UBXN8: variants seen among roughly 807,000 people sequenced by gnomAD.
The protein encoded by UBXN8 is UBX domain-containing protein 8.
In UBXN8, 27 loss-of-function variants were observed where a neutral mutation model predicts 32.1. The observed-to-expected ratio is 0.84, with a 90% CI of 0.62 to 1.16. The LOEUF is 1.16. UBXN8 is among the 50% of genes most tolerant of loss of function. The pLI is 0.00. For synonymous variants in UBXN8, 109 were observed against 111.8 expected (o/e 0.98, Z 0.16); for missense variants, 306 against 311.4 (o/e 0.98, Z 0.13).
At position 30,766,231 on chromosome 8, in the gene UBXN8, T is replaced by A; in HGVS notation, c.650T>A (p.Leu217Ter). Residue 217 changes from leucine (L) to a stop codon, truncating the protein, a stop_gained, in exon 8 of 8, where the codon TTA becomes TAA. Coordinates refer to ENST00000265616, the MANE Select transcript of UBXN8 (RefSeq NM_005671.4). LOFTEE classifies it high-confidence loss of function. ...RFLKSYSSQV[L>*]FDWMTRIGYH... The stretch of plus-strand genomic sequence containing the variant: ...GCCAAGCTTTTCATCTTCTAGGTCT[T>A]ATTTGACTGGATGACGAGAATTGGG... The A allele has an allele frequency of 6.2e-7, 1 of 1,611,222 alleles. No homozygotes were observed. The highest frequency in any genetic ancestry group is 8.5e-7 in the Non-Finnish European group (1 of 1,178,168).
intron 3 of UBXN8, among the ~76,000 whole-genome samples, chr8:30,753,648 A>G (rs2128754611): frequency 6.6e-6 from 1 of 151,064 alleles, no homozygotes; most frequent in East Asian, 1.9e-4. Flanking sequence ...AAAACCGTAT[A>G]CTCTTTAAAC....
chr8:30,736,364 T>C (rs1426747181), intron 1 of UBXN8, among the ~76,000 whole-genome samples: 1 of 150,690 alleles, frequency 6.6e-6, no homozygotes, highest in African/African-American at 2.5e-5. Flanking sequence ...TTCAGTAACA[T>C]ATCTTGAAAG....
intron 3 of UBXN8, chr8:30,754,217 G>A (rs1586099422): frequency 3.5e-6 from 1 of 284,276 alleles, no homozygotes. Context: ...TCCATCCTGG[G>A]TGACAGAGTG....
intron 5 of UBXN8, among the ~76,000 whole-genome samples, chr8:30,758,971 G>A (rs1026466298): frequency 5.1e-5 from 7 of 137,894 alleles, no homozygotes; most frequent in African/African-American, 1.9e-4. Flanking sequence ...TCGGCTCACT[G>A]CAAGCTCCTC....
At chr8:30,730,879 T>C (rs892475093), upstream of UBXN8, among the ~76,000 whole-genome samples, 1 of 152,156 alleles carries the variant, frequency 6.6e-6, no homozygotes, top group Non-Finnish European at 1.5e-5. Flanking sequence ...ATCACAATTA[T>C]TAGAAATAGC....
intron 1 of UBXN8, among the ~76,000 whole-genome samples, chr8:30,737,204 G>T (rs1805084803): frequency 7.1e-6 from 1 of 140,600 alleles, no homozygotes; most frequent in Non-Finnish European, 1.5e-5. Flanking sequence ...TCTGTTGATT[G>T]ATTTTTTTTT....
Position 30,754,734 on chromosome 8 carries a change from T to G in UBXN8, c.352T>G (p.Phe118Val). 6.4e-7 allele frequency: 1 copy of G among 1,563,478 alleles called. No individual in the cohort carries two copies. The highest frequency in any genetic ancestry group is 8.6e-7 in the Non-Finnish European group (1 of 1,164,922). The change falls in exon 4 of 8, where the codon TTT (phenylalanine) becomes GTT (valine). Residue 118 changes from phenylalanine (F) to valine (V), a missense_variant. By Grantham distance (50) the Phe-to-Val change is conservative (BLOSUM62 -1). Transcript: ENST00000265616. ...GAAATTGAGAAAACTGGAGGAGCGC[T>G]TTTATCAAATGACGGGTGAAGCCTG... is the stretch of plus-strand genomic sequence containing the variant. ...EMKLRKLEER[F>V]YQMTGEAWKL...
At chr8:30,759,982 T>TAAA (rs1356912943) in intron 5 of UBXN8, among the ~76,000 whole-genome samples, 2 of 114,078 alleles carry the variant, frequency 1.8e-5, no homozygotes, top group African/African-American at 6.3e-5. Context: ...TAAAATAAAA[T>TAAA]AAAATAAAAT....
In UBXN8 at chr8:30,759,968, T is replaced by TAAATAAAATAAAATAAAATA. The variant is rs149333500; in HGVS notation, c.529-894_529-875dup. Reference sequence around the variant, plus strand: ...TGAGACTCCGTCTCAGAAAAATAAATAAATAAAATAAAATAAAATAAAATA... The same window carrying TAAATAAAATAAAATAAAATA: ...TGAGACTCCGTCTCAGAAAAATAAATAAATAAAATAAAATAAAATAAAATAAAATAAAATAAAATAAAATA... On this transcript the variant is annotated intron_variant, in intron 5 of 7. Transcript: ENST00000265616. Among the ~76,000 whole-genome samples, 268 of 141,682 alleles carry TAAATAAAATAAAATAAAATA rather than the reference T, an allele frequency of 1.9e-3. 1 individual carries two copies. The highest frequency in any genetic ancestry group is 6.9e-3 in the African/African-American group (255 of 37,086). The allele number at this position is 141,682 out of a possible 152,430, so 92.9% of individuals were successfully genotyped here. A position where few individuals can be genotyped will look rare whatever the true frequency, so the allele number is the denominator to read the frequency against.
upstream of UBXN8, among the ~76,000 whole-genome samples, chr8:30,742,892 T>C (rs1458613305): frequency 2.7e-5 from 4 of 148,024 alleles, no homozygotes; most frequent in African/African-American, 1.0e-4. Context: ...CTTTCCCAGT[T>C]TTTTTTTTTC....
In UBXN8 at chr8:30,763,264, CTTCCT is replaced by C; in HGVS notation, c.571-7_571-3del. 6.2e-7 allele frequency: 1 copy of C among 1,613,598 alleles called. No individual in the cohort carries two copies. The highest frequency in any genetic ancestry group is 8.5e-7 in the Non-Finnish European group (1 of 1,179,542). ...GATCGGAGTTCTTATGTGAATATTT[CTTCCT>C]TAGGTAGTTACTGTTGCTCTCCGAT... is the stretch of plus-strand genomic sequence containing the variant. On this transcript the variant is annotated splice_polypyrimidine_tract_variant and splice_region_variant and intron_variant, in intron 6 of 7. Coordinates refer to ENST00000265616, the MANE Select transcript of UBXN8 (RefSeq NM_005671.4).
rs371854435 is a variant in UBXN8, at chr8:30,756,857, G to A, written c.498G>A (p.Pro166=). Residue 166 remains proline (P), a synonymous_variant, in exon 5 of 8, where the codon CCG becomes CCA. Transcript: ENST00000265616. ...QNLPKPLTEF[P]SPAEQPTCKE... ...TGCCTAAACCTTTAACTGAATTTCC[G>A]TCTCCTGCTGAACAGCCCACATGCA... 45 of 1,613,816 alleles carry A rather than the reference G, an allele frequency of 2.8e-5. No individual in the cohort carries two copies. Among genetic ancestry groups the A allele is most frequent in the African/African-American group, 5.3e-5 (4 of 74,900 alleles).
upstream of UBXN8, chr8:30,732,365 C>A: frequency 2.5e-6 from 1 of 397,624 alleles, no homozygotes; most frequent in Non-Finnish European, 4.4e-6. Flanking sequence ...GATCTGCCAA[C>A]AGCAGGTACG....
intron 1 of UBXN8, among the ~76,000 whole-genome samples, chr8:30,748,049 G>A (rs2128753575): frequency 6.8e-6 from 1 of 147,166 alleles, no homozygotes; most frequent in African/African-American, 2.5e-5. Context: ...GACATATATT[G>A]AAAAACTAGC....
rs1264500648 is a variant in UBXN8 at position 30,754,500 on chromosome 8, C to G, written c.283-165C>G. On this transcript the variant is annotated intron_variant, in intron 3 of 7. Transcript: ENST00000265616. ...AATGCCTGTCCCGCTTGCTGTCCAG[C>G]TGTCGGCACGAGCCTCCCCACAACC... The G allele has an allele frequency of 7.3e-6, 6 of 824,378 alleles. No homozygotes were observed. The Admixed American group carries it at 1.2e-4, about 16-fold the overall frequency. The allele number at this position is 824,378 out of a possible 1,614,324, so 51.1% of individuals were successfully genotyped here. A position where few individuals can be genotyped will look rare whatever the true frequency, so the allele number is the denominator to read the frequency against.
In UBXN8 at chr8:30,756,895, A is replaced by G. The variant is rs769186027; in HGVS notation, c.528+8A>G. 3.0e-5 allele frequency: 49 copies of G among 1,613,682 alleles called. No individual in the cohort carries two copies. Among genetic ancestry groups the G allele is most frequent in the Non-Finnish European group, 3.8e-5 (45 of 1,179,810 alleles). The stretch of plus-strand genomic sequence containing the variant: ...CAGCCCACATGCAAGGAGGTAAAGT[A>G]CTTCATGCCTCTCATTGAATTGTGT... On this transcript the variant is annotated splice_region_variant and intron_variant, in intron 5 of 7. Coordinates refer to ENST00000265616, the MANE Select transcript of UBXN8 (RefSeq NM_005671.4).
chr8:30,751,559 T>C (rs1426109116), intron 2 of UBXN8, 41 bp downstream of exon 2: 2 of 1,509,120 alleles, frequency 1.3e-6, no homozygotes, highest in Admixed American at 2.3e-5. Context: ...ACCATTCTAC[T>C]CAAATTTATT....
intron 7 of UBXN8, among the ~76,000 whole-genome samples, chr8:30,764,000 AAAT>A (rs1805931931): frequency 6.6e-6 from 1 of 152,158 alleles, no homozygotes. Context: ...CAAAAATACT[AAAT>A]AATAAAAACA....
At chr8:30,759,311 C>A (rs1026519937) in intron 5 of UBXN8, among the ~76,000 whole-genome samples, 1 of 152,098 alleles carries the variant, frequency 6.6e-6, no homozygotes, top group Non-Finnish European at 1.5e-5. Context: ...TCATGGCTCA[C>A]TGCAATCTCT....
Sources: gnomAD v4.1 joint callset for allele counts (sites outside exome capture counted in the v4.1 genomes callset) on GRCh38, gnomAD v4.1.1 for gene constraint, MANE v1.5 for transcripts, NCBI Gene and HGNC (gene_info 2026-07-23, HGNC 2026-07-21) for gene names.